SERPINB12: variants seen among roughly 807,000 people sequenced by gnomAD.
SERPINB12 encodes serpin B12.
Under a neutral mutation model 41.1 loss-of-function variants are expected in SERPINB12, and 57 were observed. That is an observed-to-expected ratio of 1.39 (90% CI 1.12 to 1.73). SERPINB12 has a LOEUF of 1.73. Ranked by LOEUF, SERPINB12 falls within the 40% of genes most tolerant of loss-of-function variation. The pLI, the probability that SERPINB12 is intolerant of heterozygous loss-of-function variation, is 0.00. For missense variants in SERPINB12, 536 were observed against 501.9 expected (o/e 1.07, Z -0.65); for synonymous variants, 180 against 181.3 (o/e 0.99, Z 0.06).
At chr18:63,555,331 G>A (rs1910639042) in intron 1 of SERPINB12, among the ~76,000 whole-genome samples, 2 of 152,268 alleles carry the variant, frequency 1.3e-5, no homozygotes, top group Non-Finnish European at 1.5e-5. Flanking sequence ...GAGCAATGAG[G>A]GGAGAGTACA....
At chr18:63,552,265 A>G (rs890701395) in intron 1 of SERPINB12, among the ~76,000 whole-genome samples, 1 of 152,230 alleles carries the variant, frequency 6.6e-6, no homozygotes, top group African/African-American at 2.4e-5. Context: ...CAGGAGGGTC[A>G]ATTTCTATGT....
intron 1 of SERPINB12, among the ~76,000 whole-genome samples, chr18:63,550,645 A>G (rs1222251165): frequency 6.6e-6 from 1 of 152,222 alleles, no homozygotes; most frequent in Non-Finnish European, 1.5e-5. Flanking sequence ...AGGCTCCTTC[A>G]TGCCTAGTTT....
At chr18:63,562,964 G>A (rs1910963279) in intron 5 of SERPINB12, among the ~76,000 whole-genome samples, 1 of 152,340 alleles carries the variant, frequency 6.6e-6, no homozygotes, top group East Asian at 1.9e-4. Flanking sequence ...GGCTTTTCAA[G>A]TGGAGCTTAG....
chr18:63,528,594 G>A, the SERPINB12 span, among the ~76,000 whole-genome samples: 1 of 152,054 alleles, frequency 6.6e-6, no homozygotes, highest in Non-Finnish European at 1.5e-5. Flanking sequence ...AAGTAAAATA[G>A]CCGGATAATT....
chr18:63,557,684 G>A lies in SERPINB12; in HGVS notation c.169-668G>A, dbSNP rs368933700. Among the ~76,000 whole-genome samples the A allele has an allele frequency of 9.2e-5, 14 of 152,322 alleles. No homozygotes were observed. The South Asian group carries it at 2.7e-3, about 29-fold the overall frequency. ...GAATTCAGATGTTCTTTCTTAGGCA[G>A]TTGAGGGCACCTGCTGACCAAATGG... On this transcript the variant is annotated intron_variant, in intron 2 of 7. Transcript: ENST00000382768.
At chr18:63,521,296 CAA>C in the SERPINB12 span, among the ~76,000 whole-genome samples, 5 of 152,168 alleles carry the variant, frequency 3.3e-5, no homozygotes, top group African/African-American at 1.2e-4. Flanking sequence ...CCCTTTTGAT[CAA>C]GATTTTGCTC....
chr18:63,558,112 A>G (rs1028741174), intron 2 of SERPINB12, among the ~76,000 whole-genome samples: 7 of 152,060 alleles, frequency 4.6e-5, no homozygotes, highest in Non-Finnish European at 2.9e-5. Flanking sequence ...GGATACCTCT[A>G]TGTTCTTTTA....
chr18:63,541,269 C>T (rs1158335297), upstream of SERPINB12, among the ~76,000 whole-genome samples: 2 of 152,148 alleles, frequency 1.3e-5, no homozygotes, highest in African/African-American at 4.8e-5. Flanking sequence ...ACAACTTTAA[C>T]ACCCACAGCA....
the SERPINB12 span, among the ~76,000 whole-genome samples, chr18:63,519,840 T>C: frequency 6.6e-6 from 1 of 152,180 alleles, no homozygotes; most frequent in Non-Finnish European, 1.5e-5. Context: ...TTCTGACTTA[T>C]TATCTAAGGT....
the SERPINB12 span, among the ~76,000 whole-genome samples, chr18:63,537,142 A>G: frequency 1.3e-5 from 2 of 152,220 alleles, no homozygotes. Flanking sequence ...ACCTATGTTT[A>G]TCAGAATCAA....
chr18:63,527,600 T>C, the SERPINB12 span, among the ~76,000 whole-genome samples: 1 of 152,192 alleles, frequency 6.6e-6, no homozygotes, highest in Non-Finnish European at 1.5e-5. Flanking sequence ...TGGGAGCTTC[T>C]ATCTGCTGTA....
the SERPINB12 span, among the ~76,000 whole-genome samples, chr18:63,521,825 C>T: frequency 6.6e-6 from 1 of 152,056 alleles, no homozygotes; most frequent in Non-Finnish European, 1.5e-5. Context: ...GAGACTTGTC[C>T]CTTAAAATTC....
the SERPINB12 span, among the ~76,000 whole-genome samples, chr18:63,529,775 AT>A: frequency 0.062 from 9,409 of 152,116 alleles, 605 homozygotes; most frequent in East Asian, 0.29. Context: ...CAATTAAAAA[AT>A]AAAATAATTT....
At chr18:63,554,088 A>G (rs970505362) in intron 1 of SERPINB12, among the ~76,000 whole-genome samples, 1 of 152,152 alleles carries the variant, frequency 6.6e-6, no homozygotes, top group African/African-American at 2.4e-5. Context: ...GTTAGGTACA[A>G]ACTTGGCAGA....
intron 3 of SERPINB12, among the ~76,000 whole-genome samples, 161 bp downstream of exon 3, chr18:63,558,647 A>G (rs551901153): frequency 1.3e-5 from 2 of 152,314 alleles, no homozygotes; most frequent in South Asian, 2.1e-4. Context: ...TATGGATCTC[A>G]GATGTCCTTG....
chr18:63,559,213 T>G (rs919586922), intron 3 of SERPINB12, among the ~76,000 whole-genome samples: 1 of 151,864 alleles, frequency 6.6e-6, no homozygotes, highest in African/African-American at 2.4e-5. Context: ...CAAGCAATTT[T>G]CCTGCCTCAG....
At chr18:63,558,997 T>C (rs1302913186) in intron 3 of SERPINB12, among the ~76,000 whole-genome samples, 1 of 118,662 alleles carries the variant, frequency 8.4e-6, no homozygotes, top group East Asian at 2.3e-4. Context: ...TTTCTTTCTT[T>C]CCTTCCTTCT....
At chr18:63,530,604 T>C in the SERPINB12 span, among the ~76,000 whole-genome samples, 1 of 152,212 alleles carries the variant, frequency 6.6e-6, no homozygotes, top group Non-Finnish European at 1.5e-5. Context: ...CTTGAAGAGA[T>C]ATCTTACTTT....
chr18:63,538,806 C>T (rs2144541194), upstream of SERPINB12, among the ~76,000 whole-genome samples: 1 of 152,296 alleles, frequency 6.6e-6, no homozygotes, highest in East Asian at 1.9e-4. Context: ...TACATTTCCA[C>T]CAGCTATATA....
Sources: allele counts gnomAD v4.1 joint callset (sites outside exome capture counted in the v4.1 genomes callset), GRCh38; gene constraint gnomAD v4.1.1; transcripts MANE v1.5; gene names NCBI Gene and HGNC (gene_info 2026-07-23, HGNC 2026-07-21).